PCSK6: variants seen among roughly 807,000 people sequenced by gnomAD.
PCSK6 encodes the protein proprotein convertase subtilisin/kexin type 6, also known as paired basic amino acid cleaving enzyme 4.
PCSK6 carries 85 observed loss-of-function variants against 123.3 expected under a neutral mutation model. The observed-to-expected ratio is 0.69, with a 90% CI of 0.58 to 0.83. The LOEUF is 0.83. PCSK6 is among the 40% of genes least tolerant of loss of function. The pLI is 0.00. For synonymous variants in PCSK6, 508 were observed against 516.0 expected, an observed-to-expected ratio of 0.98 and a Z score of 0.21; for missense variants, 1,191 against 1,282.3, an observed-to-expected ratio of 0.93 and a Z score of 1.09.
intron 1 of PCSK6, among the ~76,000 whole-genome samples, chr15:101,454,724 C>T (rs112071521): frequency 3.9e-5 from 6 of 151,978 alleles, no homozygotes; most frequent in Non-Finnish European, 8.8e-5. Flanking sequence ...GTGGACAGAT[C>T]ACATGAGGTC....
rs371631855 is a variant in PCSK6 at position 101,488,461 on chromosome 15, GCTCA to G, written c.297+909_297+912del. The stretch of plus-strand genomic sequence containing the variant: ...TTTGTGCCCAGGGCGTGGCCTGCTT[GCTCA>G]CTGACAGAAGAGGGGACAGCCGAGG... On this transcript the variant is annotated intron_variant, in intron 1 of 21. Coordinates refer to ENST00000611716, the MANE Select transcript of PCSK6 (RefSeq NM_002570.5). 1.5e-4 allele frequency among the ~76,000 whole-genome samples: 23 copies of G among 152,314 alleles called. 1 individual carries two copies. The South Asian group carries it at 1.7e-3, about 11-fold the overall frequency.
At chr15:101,428,529 A>G (rs1434529781) in intron 5 of PCSK6, among the ~76,000 whole-genome samples, 1 of 152,216 alleles carries the variant, frequency 6.6e-6, no homozygotes, top group African/African-American at 2.4e-5. Context: ...GAGCTGAGGA[A>G]GAACGCTCTA....
intron 1 of PCSK6, among the ~76,000 whole-genome samples, chr15:101,470,283 TTATC>T (rs1362680014): frequency 6.6e-6 from 1 of 152,338 alleles, no homozygotes; most frequent in African/African-American, 2.4e-5. Context: ...GACATCTTAT[TTATC>T]TGTCTTTATA....
chr15:101,306,386 G>A (rs2039723572), intron 21 of PCSK6, among the ~76,000 whole-genome samples: 1 of 151,986 alleles, frequency 6.6e-6, no homozygotes, highest in African/African-American at 2.4e-5. Flanking sequence ...AAGGCAAGGA[G>A]GCATCCCAGG....
intron 1 of PCSK6, among the ~76,000 whole-genome samples, chr15:101,456,466 TCAACAAATATCTGGG>T (rs1269706866): frequency 6.6e-6 from 1 of 152,108 alleles, no homozygotes; most frequent in Non-Finnish European, 1.5e-5. Context: ...ATTCCTTCCC[TCAACAAATATCTGGG>T]CAGCTGCTCG....
intron 6 of PCSK6, among the ~76,000 whole-genome samples, chr15:101,421,526 T>C (rs181672910): frequency 6.6e-6 from 1 of 152,336 alleles, no homozygotes; most frequent in African/African-American, 2.4e-5. Context: ...TGGTTTGGTT[T>C]TGCTTTTTCT....
chr15:101,389,194 C>A (rs976492366), intron 9 of PCSK6, among the ~76,000 whole-genome samples: 3 of 152,182 alleles, frequency 2.0e-5, no homozygotes, highest in Non-Finnish European at 2.9e-5. Flanking sequence ...AACTAAATTT[C>A]TGTTGTTTGA....
At chr15:101,376,581 C>G (rs550676222) in intron 11 of PCSK6, among the ~76,000 whole-genome samples, 1 of 152,316 alleles carries the variant, frequency 6.6e-6, no homozygotes, top group South Asian at 2.1e-4. Context: ...CTTCAGTGTT[C>G]GTGGTGACTT....
At chr15:101,453,497 G>A (rs1490094641) in intron 1 of PCSK6, among the ~76,000 whole-genome samples, 1 of 152,246 alleles carries the variant, frequency 6.6e-6, no homozygotes, top group Non-Finnish European at 1.5e-5. Flanking sequence ...CCATGTCAGG[G>A]AGGAGGTGAG....
intron 11 of PCSK6, among the ~76,000 whole-genome samples, chr15:101,379,937 C>T (rs1008124529): frequency 1.3e-5 from 2 of 152,168 alleles, no homozygotes; most frequent in African/African-American, 4.8e-5. Context: ...TAACACCCCT[C>T]TCTCTGGAGG....
At chr15:101,445,434 C>T (rs758293964) in intron 1 of PCSK6, among the ~76,000 whole-genome samples, 2 of 152,162 alleles carry the variant, frequency 1.3e-5, no homozygotes, top group African/African-American at 4.8e-5. Flanking sequence ...AGTAAGTGCT[C>T]GATACACGGT....
Position 101,305,297 on chromosome 15 carries a change from G to A in PCSK6, c.2871C>T (p.Phe957=). The A allele has an allele frequency of 1.9e-6, 3 of 1,612,702 alleles. No homozygotes were observed. The highest frequency in any genetic ancestry group is 2.5e-6 in the Non-Finnish European group (3 of 1,179,798). ...GGCACGTGCGGCAGCAGAACTGAAT[G>A]AAGAGCTTCCGTTCGCACAGCCGGT... ...KSNRLCERKL[F]IQFCCRTCLL... Residue 957 remains phenylalanine, a synonymous_variant, in exon 22 of 22, where the codon TTC becomes TTT. Coordinates refer to ENST00000611716, the MANE Select transcript of PCSK6 (RefSeq NM_002570.5). This position sits in a 1 kb window ranked among gnomAD's most constrained non-coding sequence, Gnocchi z 4.8.
At chr15:101,366,099 C>T (rs558177380) in intron 13 of PCSK6, 97 bp downstream of exon 13, 4 of 1,300,894 alleles carry the variant, frequency 3.1e-6, no homozygotes, top group Non-Finnish European at 4.1e-6. Context: ...AAACACAAAA[C>T]AAAGAATTAT....
intron 13 of PCSK6, among the ~76,000 whole-genome samples, chr15:101,364,103 G>GT (rs1002478319): frequency 2.4e-4 from 37 of 152,010 alleles, no homozygotes; most frequent in Admixed American, 2.1e-3. Flanking sequence ...AAATGGAATG[G>GT]TTTTTTTAAT....
At chr15:101,319,229 A>G (rs1238192328) in intron 18 of PCSK6, among the ~76,000 whole-genome samples, 1 of 152,180 alleles carries the variant, frequency 6.6e-6, no homozygotes, top group African/African-American at 2.4e-5. Flanking sequence ...GTGTGAATCA[A>G]TATCACCTAC....
chr15:101,455,430 G>T (rs536782459), intron 1 of PCSK6, among the ~76,000 whole-genome samples: 1 of 152,388 alleles, frequency 6.6e-6, no homozygotes, highest in East Asian at 1.9e-4. Context: ...ACAGGAAGGA[G>T]GTGGCAATCA....
intron 7 of PCSK6, among the ~76,000 whole-genome samples, chr15:101,396,790 G>T (rs944460635): frequency 6.6e-6 from 1 of 152,128 alleles, no homozygotes; most frequent in South Asian, 2.1e-4. Flanking sequence ...GCTGTCCAGT[G>T]TCCCAAGGAT....
chr15:101,360,464 G>C (rs564059051), intron 13 of PCSK6, among the ~76,000 whole-genome samples: 1 of 150,288 alleles, frequency 6.7e-6, no homozygotes, highest in African/African-American at 2.5e-5. Flanking sequence ...TCTCTGCTGT[G>C]CCTGGAACAC....
Position 101,489,610 on chromosome 15 carries a change from T to TGGC in PCSK6, c.58_60dup (p.Ala20dup). The TGGC allele has an allele frequency of 4.2e-6, 4 of 960,780 alleles. No homozygotes were observed. The highest frequency in any genetic ancestry group is 4.9e-6 in the Non-Finnish European group (4 of 817,818). 59.5% of individuals were successfully genotyped at this position (960,780 alleles called of 1,614,324 possible). On this transcript the variant is annotated inframe_insertion, in exon 1 of 22. Coordinates refer to ENST00000611716, the MANE Select transcript of PCSK6 (RefSeq NM_002570.5). ...CCCCCCGCGCCCGCGGCGGTGTCGGTGGCGGCGGCGGCCCGGGGCGGCGGC... is the reference window on the plus strand; with the variant it reads ...CCCCCCGCGCCCGCGGCGGTGTCGGTGGCGGCGGCGGCGGCCCGGGGCGGCGGC...
Sources: allele counts gnomAD v4.1 joint callset (sites outside exome capture counted in the v4.1 genomes callset), GRCh38; gene constraint gnomAD v4.1.1; non-coding constraint Gnocchi (gnomAD v3.1); transcripts MANE v1.5; gene names NCBI Gene and HGNC (gene_info 2026-07-23, HGNC 2026-07-21).